DHX30: variants seen among roughly 807,000 people sequenced by gnomAD.
The protein encoded by DHX30 is ATP-dependent RNA helicase DHX30.
In DHX30, 4 loss-of-function variants were observed where a neutral mutation model predicts 116.9. The observed-to-expected ratio is 0.03, with a 90% CI of 0.02 to 0.08. DHX30 has a LOEUF of 0.08. Among genes scored for constraint, DHX30 ranks in the 10% least tolerant of loss-of-function variants. DHX30 has a pLI of 1.00. For missense variants in DHX30, 871 were observed against 1,595.1 expected (o/e 0.55, Z 7.73); for synonymous variants, 697 against 651.7 (o/e 1.07, Z -1.06).
chr3:47,822,139 C>T (rs1486398074), intron 4 of DHX30: 3 of 152,174 alleles, frequency 2.0e-5, no homozygotes, highest in Non-Finnish European at 2.9e-5. Context: ...TTTTCCAACT[C>T]CTGCTCTAGA....
intron 4 of DHX30, among the ~76,000 whole-genome samples, chr3:47,818,928 C>T (rs1196553403): frequency 2.0e-5 from 3 of 152,186 alleles, no homozygotes; most frequent in Non-Finnish European, 4.4e-5. Context: ...GTCATTGTCT[C>T]ATCTAGAGAC....
chr3:47,819,165 C>G (rs2036185423), intron 4 of DHX30: 2 of 1,309,138 alleles, frequency 1.5e-6, no homozygotes, highest in Admixed American at 1.9e-5. Context: ...TGCCACCCCC[C>G]TACCGTTACC....
intron 4 of DHX30, among the ~76,000 whole-genome samples, chr3:47,826,569 C>T (rs1327732748): frequency 6.6e-6 from 1 of 152,018 alleles, no homozygotes; most frequent in Non-Finnish European, 1.5e-5. Flanking sequence ...CTTCAGCCTC[C>T]CAAGTAGCTG....
At chr3:47,809,377 G>A (rs1178632713) in intron 2 of DHX30, among the ~76,000 whole-genome samples, 1 of 151,120 alleles carries the variant, frequency 6.6e-6, no homozygotes, top group Non-Finnish European at 1.5e-5. Flanking sequence ...GAGTAGCTGG[G>A]ACTACAGGCC....
intron 3 of DHX30, among the ~76,000 whole-genome samples, chr3:47,813,295 A>G (rs1406268301): frequency 1.3e-5 from 2 of 152,164 alleles, no homozygotes; most frequent in East Asian, 3.9e-4. Context: ...GTGAGCCGAG[A>G]TCGCGCCACT....
intron 2 of DHX30, among the ~76,000 whole-genome samples, chr3:47,809,573 C>T (rs2035699287): frequency 6.6e-6 from 1 of 152,114 alleles, no homozygotes. Context: ...TAAATGTTAT[C>T]ATTGTTGATA....
At chr3:47,849,398 C>G (rs1553707439) in intron 19 of DHX30, 49 bp downstream of exon 19, 2 of 1,584,438 alleles carry the variant, frequency 1.3e-6, no homozygotes, top group Admixed American at 3.5e-5. Context: ...AGCCTCCTTC[C>G]CTGTCTGCAG....
At chr3:47,808,025 C>G (rs2035612410) in intron 2 of DHX30, among the ~76,000 whole-genome samples, 1 of 152,064 alleles carries the variant, frequency 6.6e-6, no homozygotes, top group African/African-American at 2.4e-5. Context: ...ATTCTCCTGC[C>G]TCAGCCTCCC....
chr3:47,845,579 A>G, intron 9 of DHX30, 121 bp from the exon 10 acceptor site: 1 of 1,226,314 alleles, frequency 8.2e-7, no homozygotes, highest in Non-Finnish European at 1.1e-6. Context: ...CATGTCAGCC[A>G]AAATCCAAAA....
chr3:47,829,342 G>GT (rs1491390320), intron 6 of DHX30, among the ~76,000 whole-genome samples: 1 of 64,090 alleles, frequency 1.6e-5, no homozygotes, highest in Admixed American at 1.8e-4. Context: ...CTGTGTTTTT[G>GT]GTTTTTTTTT....
chr3:47,809,543 C>T (rs560882865), intron 2 of DHX30, among the ~76,000 whole-genome samples: 3 of 152,146 alleles, frequency 2.0e-5, no homozygotes, highest in Non-Finnish European at 2.9e-5. Flanking sequence ...CGCGCCTGGC[C>T]GGAATGTAAC....
At chr3:47,807,051 C>T (rs991197549) in intron 2 of DHX30, among the ~76,000 whole-genome samples, 1 of 151,762 alleles carries the variant, frequency 6.6e-6, no homozygotes, top group Non-Finnish European at 1.5e-5. Context: ...ACCAAAAATA[C>T]AAAAATTAGC....
chr3:47,848,652 T>A lies in DHX30; in HGVS notation c.2604T>A (p.Thr868=). 5 of 1,614,096 alleles carry A rather than the reference T, an allele frequency of 3.1e-6. No homozygotes were observed. Among genetic ancestry groups the A allele is most frequent in the Non-Finnish European group, 4.2e-6 (5 of 1,179,976 alleles). ...TGCTGGACCAGCGGGAGTACCTGAC[T>A]ACCCTGGGGCAGCGCCTGGCTCACA... ...IGVLDQREYL[T]TLGQRLAHIS... Residue 868 remains threonine (T), a synonymous_variant, in exon 17 of 22, where the codon ACT becomes ACA. Transcript: ENST00000445061. The surrounding 1 kb of genome is among the most constrained non-coding windows in gnomAD (Gnocchi z 9.4).
rs144500734 is a variant in DHX30, at chr3:47,847,291, C to T, written c.1948C>T (p.Leu650Phe). 29 of 1,614,138 alleles carry T rather than the reference C, an allele frequency of 1.8e-5. No individual in the cohort carries two copies. Among genetic ancestry groups the T allele is most frequent in the Non-Finnish European group, 2.5e-5 (29 of 1,180,054 alleles). Residue 650 changes from leucine to phenylalanine, a missense_variant, in exon 12 of 22, where the codon CTC becomes TTC. Leu to Phe is a conservative substitution (Grantham distance 22). Transcript: ENST00000445061. The surrounding 1 kb of genome is among the most constrained non-coding windows in gnomAD (Gnocchi z 5.5). Reference sequence around the variant, plus strand: ...ACCCCAGTCTGAGGATGAATGCGCACTCGATTTGGACCTTGTGACTGATCT... The same window carrying T: ...ACCCCAGTCTGAGGATGAATGCGCATTCGATTTGGACCTTGTGACTGATCT... ...RHHESEDECALDLDLVTDLVL... is the reference protein window; with the variant it reads ...RHHESEDECAFDLDLVTDLVL...
At chr3:47,819,692 C>T (rs1559694161) in intron 4 of DHX30, among the ~76,000 whole-genome samples, 2 of 152,002 alleles carry the variant, frequency 1.3e-5, no homozygotes, top group South Asian at 2.1e-4. Context: ...AACAGTGCAC[C>T]GAAAATGGTG....
At chr3:47,822,568 T>TGAGGTCA (rs1399562370) in intron 4 of DHX30, among the ~76,000 whole-genome samples, 1 of 151,868 alleles carries the variant, frequency 6.6e-6, no homozygotes, top group Admixed American at 6.6e-5. Context: ...GGGTGGATCA[T>TGAGGTCA]GAGGTCAGGA....
At chr3:47,840,052 A>C (rs1398580864) in intron 6 of DHX30, among the ~76,000 whole-genome samples, 1 of 147,336 alleles carries the variant, frequency 6.8e-6, no homozygotes. Flanking sequence ...GTTGGAGTGC[A>C]GTGCCATGAT....
In DHX30 at chr3:47,824,875, A is replaced by G. The variant is rs538288211; in HGVS notation, c.125-2472A>G. Reference sequence around the variant, plus strand: ...GGGCAGCGCCGAGCCCGCCTACTGAAGGCCCAGGGCTGTGGTGAGCGAGGA... The same window carrying G: ...GGGCAGCGCCGAGCCCGCCTACTGAGGGCCCAGGGCTGTGGTGAGCGAGGA... On this transcript the variant is annotated intron_variant, in intron 4 of 21. Coordinates refer to ENST00000445061, the MANE Select transcript of DHX30 (RefSeq NM_138615.3). The G allele has an allele frequency of 7.5e-4, 346 of 458,632 alleles. 1 individual carries two copies. Among genetic ancestry groups the G allele is most frequent in the Middle Eastern group, 1.7e-3 (3 of 1,784 alleles). The allele number at this position is 458,632 out of a possible 1,614,324, so 28.4% of individuals were successfully genotyped here.
rs959047984 is a variant in DHX30 at position 47,827,315 on chromosome 3, C to T, written c.125-32C>T. 4.4e-6 allele frequency: 7 copies of T among 1,580,504 alleles called. No individual in the cohort carries two copies. The Admixed American group carries it at 5.8e-5, about 13-fold the overall frequency. ...CATGGAGTTTTTAAAAGAAAAAGAACAACTGTAATGCTTTTGTTCTTATTT... is the reference window on the plus strand; with the variant it reads ...CATGGAGTTTTTAAAAGAAAAAGAATAACTGTAATGCTTTTGTTCTTATTT... On this transcript the variant is annotated intron_variant, in intron 4 of 21. Transcript: ENST00000445061.
Sources: gnomAD v4.1 joint callset for allele counts (sites outside exome capture counted in the v4.1 genomes callset) on GRCh38, gnomAD v4.1.1 for gene constraint, Gnocchi (gnomAD v3.1) non-coding constraint, MANE v1.5 for transcripts, NCBI Gene and HGNC (gene_info 2026-07-23, HGNC 2026-07-21) for gene names.